Variants in CAMTA1 observed in about 807,000 individuals in gnomAD.
The protein encoded by CAMTA1 is calmodulin-binding transcription activator 1.
CAMTA1 carries 27 observed loss-of-function variants against 170.9 expected under a neutral mutation model. The ratio of observed to expected loss-of-function variants is 0.16; its 90% CI spans 0.12 to 0.22. CAMTA1 has a LOEUF of 0.22. CAMTA1 is among the 10% of genes least tolerant of loss of function. The pLI is 1.00. For missense variants in CAMTA1, 1,619 were observed against 2,217.2 expected (o/e 0.73, Z 5.42); for synonymous variants, 833 against 891.5 (o/e 0.93, Z 1.17).
At chr1:7,485,790 G>C (rs1210042449) in intron 6 of CAMTA1, among the ~76,000 whole-genome samples, 2 of 152,246 alleles carry the variant, frequency 1.3e-5, no homozygotes, top group Non-Finnish European at 2.9e-5. Context: ...TGACTTAGCA[G>C]AAGAGCTGGG....
At chr1:6,983,420 A>G (rs572366349) in intron 3 of CAMTA1, among the ~76,000 whole-genome samples, 4 of 150,914 alleles carry the variant, frequency 2.7e-5, no homozygotes, top group African/African-American at 4.9e-5. Context: ...CTTCCTCATC[A>G]CTCTTACTAA....
chr1:7,293,411 G>A lies in CAMTA1; in HGVS notation c.438+43785G>A, dbSNP rs1490174931. On this transcript the variant is annotated intron_variant, in intron 5 of 22. Transcript: ENST00000303635. The surrounding 1 kb of genome is among the most constrained non-coding windows in gnomAD (Gnocchi z 4.1). ...CGGTGTGAGCAAAGCCCATTTGGTCGTTTGTCAGTGAAGACAGAAGAGTCA... is the reference window on the plus strand; with the variant it reads ...CGGTGTGAGCAAAGCCCATTTGGTCATTTGTCAGTGAAGACAGAAGAGTCA... Among the ~76,000 whole-genome samples, 5 of 152,060 alleles carry A rather than the reference G, an allele frequency of 3.3e-5. No homozygotes were observed. Among genetic ancestry groups the A allele is most frequent in the African/African-American group, 4.8e-5 (2 of 41,354 alleles).
rs757589319 is a variant in CAMTA1, at chr1:7,050,892, C to G, written c.235-40412C>G. ...GTGCACAGGAGCGCTGGCCATTCGT[C>G]TTGAGGCCCCACTGCAGGGAGCAGC... On this transcript the variant is annotated intron_variant, in intron 3 of 22. Transcript: ENST00000303635. This position sits in a 1 kb window ranked among gnomAD's most constrained non-coding sequence, Gnocchi z 4.8. 2.0e-5 allele frequency among the ~76,000 whole-genome samples: 3 copies of G among 152,178 alleles called. No homozygotes were observed. The highest frequency in any genetic ancestry group is 4.4e-5 in the Non-Finnish European group (3 of 68,028).
chr1:6,845,051 C>T (rs1383211732), intron 3 of CAMTA1, among the ~76,000 whole-genome samples: 3 of 152,260 alleles, frequency 2.0e-5, no homozygotes, highest in South Asian at 2.1e-4. Flanking sequence ...AGAAGAGCCA[C>T]GAAAGCACCT....
intron 3 of CAMTA1, among the ~76,000 whole-genome samples, chr1:6,989,636 C>T (rs1275807234): frequency 1.3e-5 from 2 of 152,032 alleles, no homozygotes; most frequent in Admixed American, 6.5e-5. Flanking sequence ...GGTGGATGCC[C>T]CGGGCTTTAA....
rs568803592 is a variant in CAMTA1, at chr1:7,680,387, G to A, written c.2914+2654G>A. ...GGGGAGGAGGGCTGGGGAAGGGGTG[G>A]GCGCCAGGGGACTGCAGCGCGGAGC... On this transcript the variant is annotated intron_variant, in intron 11 of 22. Transcript: ENST00000303635. The surrounding 1 kb of genome is among the most constrained non-coding windows in gnomAD (Gnocchi z 4.4). Among the ~76,000 whole-genome samples the A allele has an allele frequency of 3.9e-3, 592 of 152,244 alleles. 5 individuals are homozygous for A. The highest frequency in any genetic ancestry group is 0.014 in the African/African-American group (566 of 41,578).
intron 11 of CAMTA1, among the ~76,000 whole-genome samples, chr1:7,695,137 C>A (rs2096361675): frequency 6.6e-6 from 1 of 152,156 alleles, no homozygotes; most frequent in African/African-American, 2.4e-5. Flanking sequence ...AGGGCCTGCA[C>A]AGAGGTGCTT....
intron 3 of CAMTA1, among the ~76,000 whole-genome samples, chr1:7,061,214 C>A (rs534901339): frequency 4.6e-5 from 7 of 152,240 alleles, no homozygotes; most frequent in Non-Finnish European, 1.0e-4. Flanking sequence ...CAAGCTCCCC[C>A]CTCCACGCCA....
intron 4 of CAMTA1, among the ~76,000 whole-genome samples, chr1:7,244,281 A>C (rs1328670711): frequency 1.3e-5 from 2 of 152,230 alleles, no homozygotes; most frequent in Non-Finnish European, 2.9e-5. Flanking sequence ...GAACACTTTT[A>C]CACTGTTAGT....
At chr1:7,324,582 T>C (rs543595882) in intron 5 of CAMTA1, among the ~76,000 whole-genome samples, 35 of 152,278 alleles carry the variant, frequency 2.3e-4, no homozygotes, top group Admixed American at 1.9e-3. Context: ...TTTGTGTTTT[T>C]CCCTTTTCCA....
intron 2 of CAMTA1, among the ~76,000 whole-genome samples, chr1:6,821,947 TGTCA>T (rs1646536183): frequency 6.6e-6 from 1 of 152,298 alleles, no homozygotes; most frequent in African/African-American, 2.4e-5. Flanking sequence ...GAATTAGAGT[TGTCA>T]GTCAAGCAAA....
intron 5 of CAMTA1, among the ~76,000 whole-genome samples, chr1:7,334,415 T>C (rs1193207549): frequency 6.6e-6 from 1 of 152,244 alleles, no homozygotes; most frequent in African/African-American, 2.4e-5. Flanking sequence ...AGAAGCCACC[T>C]CCTGGAGGCA....
chr1:6,919,947 G>A (rs1681641599), intron 3 of CAMTA1, among the ~76,000 whole-genome samples: 1 of 151,986 alleles, frequency 6.6e-6, no homozygotes, highest in South Asian at 2.1e-4. Context: ...TGAGATTTGG[G>A]TGGGGACACA....
chr1:6,952,314 C>T (rs558403852), intron 3 of CAMTA1, among the ~76,000 whole-genome samples: 20 of 150,828 alleles, frequency 1.3e-4, no homozygotes, highest in African/African-American at 4.9e-4. Flanking sequence ...GCCTGTAGTC[C>T]CAGCTACTCA....
At chr1:6,932,857 T>G (rs1265382971) in intron 3 of CAMTA1, among the ~76,000 whole-genome samples, 3 of 152,208 alleles carry the variant, frequency 2.0e-5, no homozygotes, top group Non-Finnish European at 4.4e-5. Context: ...TTATTATTGT[T>G]TTGAGAGTTC....
chr1:7,640,093 A>G (rs1364461146), intron 6 of CAMTA1, among the ~76,000 whole-genome samples: 1 of 152,050 alleles, frequency 6.6e-6, no homozygotes, highest in Non-Finnish European at 1.5e-5. Flanking sequence ...GAGTTTCTCA[A>G]CCAGGGGTGA....
At chr1:6,939,642 C>T (rs1001912956) in intron 3 of CAMTA1, among the ~76,000 whole-genome samples, 2 of 152,074 alleles carry the variant, frequency 1.3e-5, no homozygotes, top group African/African-American at 4.8e-5. Context: ...TTCCTCTCCA[C>T]CTTCTGCTGT....
chr1:7,761,322 G>A (rs1419928418), intron 22 of CAMTA1, among the ~76,000 whole-genome samples: 5 of 152,196 alleles, frequency 3.3e-5, no homozygotes, highest in Admixed American at 2.6e-4. Context: ...CAGCACTGGC[G>A]CTGTGGGAAC....
At chr1:6,988,088 A>T (rs2100355197) in intron 3 of CAMTA1, among the ~76,000 whole-genome samples, 1 of 152,278 alleles carries the variant, frequency 6.6e-6, no homozygotes, top group Admixed American at 6.5e-5. Flanking sequence ...TCTAGAAGCT[A>T]ATCTTTCCTA....
Sources: allele counts gnomAD v4.1 joint callset (sites outside exome capture counted in the v4.1 genomes callset), GRCh38; gene constraint gnomAD v4.1.1; non-coding constraint Gnocchi (gnomAD v3.1); transcripts MANE v1.5; gene names NCBI Gene and HGNC (gene_info 2026-07-23, HGNC 2026-07-21).